The following GALNT13 variants were observed in gnomAD, a reference collection of about 807,000 sequenced individuals.
The protein encoded by GALNT13 is UDP-GalNAc:polypeptide N-acetylgalactosaminyltransferase 13.
GALNT13 carries 28 observed loss-of-function variants against 64.2 expected under a neutral mutation model. That is an observed-to-expected ratio of 0.44 (90% CI 0.32 to 0.60). The LOEUF (loss-of-function observed/expected upper bound fraction) is 0.60. GALNT13 is among the 20% of genes least tolerant of loss of function. The pLI, the probability that GALNT13 is intolerant of heterozygous loss-of-function variation, is 0.05. For missense variants in GALNT13, 577 were observed against 669.8 expected, an observed-to-expected ratio of 0.86 and a Z score of 1.53; for synonymous variants, 214 against 224.6, an observed-to-expected ratio of 0.95 and a Z score of 0.42.
At chr2:153,310,222 A>C in the GALNT13 span, among the ~76,000 whole-genome samples, 1 of 152,210 alleles carries the variant, frequency 6.6e-6, no homozygotes, top group African/African-American at 2.4e-5. Context: ...ATGAATGATA[A>C]ATTTTGTTAC....
intron 4 of GALNT13, among the ~76,000 whole-genome samples, chr2:154,225,769 C>G (rs1408643771): frequency 6.6e-6 from 1 of 152,042 alleles, no homozygotes; most frequent in Admixed American, 6.6e-5. Flanking sequence ...TTAGATTCAA[C>G]AAAGTATGAA....
the GALNT13 span, among the ~76,000 whole-genome samples, chr2:153,415,441 C>T: frequency 4.6e-3 from 706 of 152,302 alleles, 2 homozygotes; most frequent in African/African-American, 0.016. Context: ...AATGGTCCTG[C>T]ATTCATTGGA....
chr2:153,855,785 A>G, the GALNT13 span, among the ~76,000 whole-genome samples: 1 of 152,186 alleles, frequency 6.6e-6, no homozygotes, highest in African/African-American at 2.4e-5. Flanking sequence ...CTTACAAGTG[A>G]ATGTTCGTAG....
At chr2:153,915,414 A>G (rs1261836523) in intron 2 of GALNT13, among the ~76,000 whole-genome samples, 2 of 152,128 alleles carry the variant, frequency 1.3e-5, no homozygotes, top group African/African-American at 4.8e-5. Flanking sequence ...CTGGGTGTCT[A>G]CACTGTTCTG....
chr2:154,120,172 T>G (rs1197761779), intron 3 of GALNT13, among the ~76,000 whole-genome samples: 1 of 152,178 alleles, frequency 6.6e-6, no homozygotes, highest in African/African-American at 2.4e-5. Flanking sequence ...TGGTAGAGCT[T>G]GCTGTCGGTT....
intron 3 of GALNT13, among the ~76,000 whole-genome samples, chr2:153,970,393 C>G (rs1386803742): frequency 1.3e-5 from 2 of 152,194 alleles, no homozygotes; most frequent in Admixed American, 1.3e-4. Context: ...TTCTACCTCA[C>G]TGACGACTTC....
chr2:154,213,684 G>A (rs114572416), intron 4 of GALNT13, among the ~76,000 whole-genome samples: 4 of 151,930 alleles, frequency 2.6e-5, no homozygotes, highest in African/African-American at 9.7e-5. Flanking sequence ...AGAGGAGATG[G>A]TGGCTGAAAC....
At chr2:153,143,708 G>T in the GALNT13 span, among the ~76,000 whole-genome samples, 1 of 152,100 alleles carries the variant, frequency 6.6e-6, no homozygotes, top group African/African-American at 2.4e-5. Context: ...GAAGTCTCTT[G>T]CACAACTTAG....
rs553642246 is a variant in GALNT13, at chr2:153,895,316, T to G, written c.-176-5620T>G. Among the ~76,000 whole-genome samples, 4 of 152,278 alleles carry G rather than the reference T, an allele frequency of 2.6e-5. No homozygotes were observed. The South Asian group carries it at 8.3e-4, about 32-fold the overall frequency. The stretch of plus-strand genomic sequence containing the variant: ...CATCCCTTATCCTGTAATGACCATT[T>G]TTTTCTATGTTCTGAGTTTCAAGAT... On this transcript the variant is annotated intron_variant, in intron 1 of 12. Coordinates refer to ENST00000392825, the MANE Select transcript of GALNT13 (RefSeq NM_052917.4).
chr2:153,633,641 TC>T, the GALNT13 span, among the ~76,000 whole-genome samples: 2 of 152,152 alleles, frequency 1.3e-5, no homozygotes, highest in Non-Finnish European at 2.9e-5. Flanking sequence ...ACCAGCTTGT[TC>T]CTCTTTGCCA....
chr2:153,686,401 T>C, the GALNT13 span, among the ~76,000 whole-genome samples: 1 of 151,846 alleles, frequency 6.6e-6, no homozygotes, highest in African/African-American at 2.4e-5. Flanking sequence ...TTATTATTTT[T>C]GTGGCAACTG....
chr2:153,101,374 C>T, the GALNT13 span, among the ~76,000 whole-genome samples: 32 of 152,196 alleles, frequency 2.1e-4, no homozygotes, highest in African/African-American at 6.3e-4. Context: ...TGCTTTTTTA[C>T]GGTCTTGGCA....
chr2:153,244,356 A>G, the GALNT13 span, among the ~76,000 whole-genome samples: 1 of 152,216 alleles, frequency 6.6e-6, no homozygotes, highest in African/African-American at 2.4e-5. Context: ...GTTTCTGAAG[A>G]GGGGCCAAGA....
At chr2:154,206,588 A>G (rs1687470190) in intron 4 of GALNT13, among the ~76,000 whole-genome samples, 1 of 151,954 alleles carries the variant, frequency 6.6e-6, no homozygotes, top group Non-Finnish European at 1.5e-5. Flanking sequence ...TGAAGGCAGG[A>G]GTTCGAGACC....
At chr2:153,337,028 A>G in the GALNT13 span, among the ~76,000 whole-genome samples, 2 of 152,198 alleles carry the variant, frequency 1.3e-5, no homozygotes, top group Middle Eastern at 3.4e-3. Flanking sequence ...GCCTCCTACC[A>G]TGATTCTGAG....
intron 7 of GALNT13, among the ~76,000 whole-genome samples, chr2:154,248,003 A>T (rs867511458): frequency 6.6e-6 from 1 of 152,166 alleles, no homozygotes; most frequent in African/African-American, 2.4e-5. Context: ...ACATTCATAC[A>T]AATAGATAAA....
At chr2:153,631,101 G>A in the GALNT13 span, among the ~76,000 whole-genome samples, 2 of 151,552 alleles carry the variant, frequency 1.3e-5, no homozygotes, top group African/African-American at 4.9e-5. Context: ...GAGAATGATG[G>A]TTTCCAGCTT....
chr2:153,605,890 G>C, the GALNT13 span, among the ~76,000 whole-genome samples: 2 of 152,126 alleles, frequency 1.3e-5, no homozygotes, highest in Admixed American at 6.6e-5. Context: ...TTCATACTGA[G>C]ATTTCACGCA....
intron 8 of GALNT13, among the ~76,000 whole-genome samples, chr2:154,274,513 A>G (rs184352716): frequency 6.6e-6 from 1 of 151,994 alleles, no homozygotes; most frequent in Non-Finnish European, 1.5e-5. Context: ...ATCCAGTGGG[A>G]AGTAGTTTAA....
Sources: gnomAD v4.1 joint callset for allele counts (sites outside exome capture counted in the v4.1 genomes callset) on GRCh38, gnomAD v4.1.1 for gene constraint, MANE v1.5 for transcripts, NCBI Gene and HGNC (gene_info 2026-07-23, HGNC 2026-07-21) for gene names.